The following FGF14 variants were observed in gnomAD, a reference collection of about 807,000 sequenced individuals.
FGF14 encodes the protein fibroblast growth factor homologous factor 4.
A neutral mutation model predicts 25.5 loss-of-function variants in FGF14; 5 were observed. The observed-to-expected ratio is 0.20, with a 90% confidence interval of 0.10 to 0.41. The LOEUF (loss-of-function observed/expected upper bound fraction) is 0.41, where lower values mean the gene tolerates loss of function less well. FGF14 is among the 10% of genes least tolerant of loss of function. The probability of loss-of-function intolerance (pLI) is 1.00; values close to 1 mark genes in which losing one functional copy is unlikely to be tolerated. For synonymous variants in FGF14, 138 were observed against 118.3 expected (o/e 1.17, Z -1.08); for missense variants, 222 against 320.1 (o/e 0.69, Z 2.34).
intron 1 of FGF14, chr13:102,354,133 GA>G: frequency 1.3e-5 from 2 of 152,246 alleles, no homozygotes; most frequent in African/African-American, 4.8e-5. Context: ...TGCCCACTAG[GA>G]AATTCCTTTT....
chr13:102,342,553 C>A (rs1454184956), intron 1 of FGF14, among the ~76,000 whole-genome samples: 2 of 152,112 alleles, frequency 1.3e-5, no homozygotes, highest in Non-Finnish European at 2.9e-5. Context: ...ATGACTAATT[C>A]TATTACTACA....
In FGF14 at chr13:102,161,682, G is replaced by GTC. The variant is rs1566765756; in HGVS notation, c.208+239788_208+239789insGA. Among the ~76,000 whole-genome samples the GTC allele has an allele frequency of 2.6e-3, 146 of 57,206 alleles. 3 individuals are homozygous for GTC. The highest frequency in any genetic ancestry group is 6.5e-3 in the South Asian group (7 of 1,078). The allele number at this position is 57,206 out of a possible 152,430, so 37.5% of individuals were successfully genotyped here. ...AGAAGAAGAAGAAGAAGAAGAAGAAGAAGAAGAAGAAGAAGAAGAAGAAGA... is the reference window on the plus strand; with the variant it reads ...AGAAGAAGAAGAAGAAGAAGAAGAAGTCAAGAAGAAGAAGAAGAAGAAGAAGA... On this transcript the variant is annotated intron_variant, in intron 1 of 4. Coordinates refer to the FGF14 transcript ENST00000376131.
At chr13:102,261,503 T>C (rs2052713687) in intron 1 of FGF14, among the ~76,000 whole-genome samples, 1 of 152,212 alleles carries the variant, frequency 6.6e-6, no homozygotes, top group South Asian at 2.1e-4. Flanking sequence ...TTATAGCTCA[T>C]CAGCACATGT....
intron 1 of FGF14, among the ~76,000 whole-genome samples, chr13:102,017,587 A>AG (rs150152193): frequency 0.032 from 4,870 of 152,190 alleles, 251 homozygotes; most frequent in African/African-American, 0.11. Flanking sequence ...AGATGTGTCT[A>AG]GGGTCAGTCT....
intron 1 of FGF14, among the ~76,000 whole-genome samples, chr13:102,047,020 T>C (rs2042013995): frequency 1.3e-5 from 2 of 152,296 alleles, no homozygotes; most frequent in South Asian, 4.1e-4. Flanking sequence ...TGTTATTTTA[T>C]AGTATTCAAA....
chr13:102,398,855 T>C (rs1014443704), intron 1 of FGF14, among the ~76,000 whole-genome samples: 6 of 148,516 alleles, frequency 4.0e-5, no homozygotes, highest in Admixed American at 6.8e-5. Context: ...GACACATTAA[T>C]GTCCCATTTA....
chr13:101,762,398 A>G (rs1007290788), intron 3 of FGF14, among the ~76,000 whole-genome samples: 1 of 152,256 alleles, frequency 6.6e-6, no homozygotes, highest in African/African-American at 2.4e-5. Flanking sequence ...AGAAACTCAC[A>G]CATTTATTAT....
intron 2 of FGF14, among the ~76,000 whole-genome samples, chr13:101,870,917 C>T (rs1435682068): frequency 6.6e-6 from 1 of 152,040 alleles, no homozygotes; most frequent in Non-Finnish European, 1.5e-5. Flanking sequence ...CACGCCACTG[C>T]ACTTTAGCCT....
intron 1 of FGF14, among the ~76,000 whole-genome samples, chr13:102,163,736 G>A (rs1201730568): frequency 3.3e-5 from 5 of 152,038 alleles, no homozygotes; most frequent in Non-Finnish European, 4.4e-5. Flanking sequence ...GGATTGGGAA[G>A]ATTCGCAGGG....
intron 1 of FGF14, among the ~76,000 whole-genome samples, chr13:101,999,611 A>G (rs183383522): frequency 6.6e-6 from 1 of 152,310 alleles, no homozygotes; most frequent in Non-Finnish European, 1.5e-5. Flanking sequence ...CACATTTCTC[A>G]GCTTCCACTA....
chr13:102,024,478 T>TTTTTTTTTTTTTTTTTTTTTG (rs1424731684), intron 1 of FGF14, among the ~76,000 whole-genome samples: 1 of 122,036 alleles, frequency 8.2e-6, no homozygotes, highest in African/African-American at 4.4e-5. Flanking sequence ...TTTTTCTTTT[T>TTTTTTTTTTTTTTTTTTTTTG]AATGTGGTCT....
chr13:102,399,127 A>C (rs1056410515), intron 1 of FGF14, among the ~76,000 whole-genome samples: 3 of 152,082 alleles, frequency 2.0e-5, no homozygotes, highest in Non-Finnish European at 4.4e-5. Flanking sequence ...AAGGGGGGAA[A>C]AACTATTCCA....
chr13:102,187,336 A>G (rs1255689654), intron 1 of FGF14, among the ~76,000 whole-genome samples: 1 of 152,174 alleles, frequency 6.6e-6, no homozygotes, highest in African/African-American at 2.4e-5. Flanking sequence ...AAATGTTCAT[A>G]TACTCTTGTT....
chr13:101,820,449 G>A (rs925318615), intron 3 of FGF14, among the ~76,000 whole-genome samples: 2 of 152,066 alleles, frequency 1.3e-5, no homozygotes, highest in African/African-American at 4.8e-5. Context: ...CCAAGATGAA[G>A]ACTAGCCTTT....
chr13:101,734,879 G>A (rs1018553836), intron 3 of FGF14, among the ~76,000 whole-genome samples: 13 of 152,092 alleles, frequency 8.5e-5, no homozygotes, highest in Non-Finnish European at 1.6e-4. Context: ...TTATCATATT[G>A]TTCAATTGAA....
chr13:101,774,246 G>A (rs1350766141), intron 3 of FGF14, among the ~76,000 whole-genome samples: 1 of 152,114 alleles, frequency 6.6e-6, no homozygotes, highest in Non-Finnish European at 1.5e-5. Context: ...TTTGTATGTA[G>A]TTCCAGAGGA....
chr13:102,140,174 TATAATGGGGATA>T (rs1566736304), intron 1 of FGF14, among the ~76,000 whole-genome samples: 1 of 152,088 alleles, frequency 6.6e-6, no homozygotes, highest in Non-Finnish European at 1.5e-5. Context: ...TGTGCTCATT[TATAATGGGGATA>T]ATAATGGGGT....
At chr13:102,381,003 C>T (rs980585627) in intron 1 of FGF14, among the ~76,000 whole-genome samples, 1 of 152,106 alleles carries the variant, frequency 6.6e-6, no homozygotes, top group African/African-American at 2.4e-5. Context: ...CCCAGTCTAC[C>T]TTAAACATGT....
chr13:102,210,440 C>G (rs574152924), intron 1 of FGF14, among the ~76,000 whole-genome samples: 3 of 152,058 alleles, frequency 2.0e-5, no homozygotes, highest in Admixed American at 6.6e-5. Context: ...GAAACATTTA[C>G]ATTAAAAACT....
Sources: gnomAD v4.1 joint callset for allele counts (sites outside exome capture counted in the v4.1 genomes callset) on GRCh38, gnomAD v4.1.1 for gene constraint, MANE v1.5 for transcripts, NCBI Gene and HGNC (gene_info 2026-07-23, HGNC 2026-07-21) for gene names.